Variants in SGCB observed in about 807,000 individuals in gnomAD.
The protein encoded by SGCB is sarcoglycan beta, also known as beta-sarcoglycan.
A neutral mutation model predicts 27.3 loss-of-function variants in SGCB; 25 were observed. That is an observed-to-expected ratio of 0.92 (90% CI 0.67 to 1.28). SGCB has a LOEUF of 1.28. Ranked by LOEUF, SGCB falls within the 50% of genes most tolerant of loss-of-function variation. The probability of loss-of-function intolerance (pLI) is 0.00; values close to 1 mark genes in which losing one functional copy is unlikely to be tolerated. For missense variants in SGCB, 436 were observed against 402.1 expected (o/e 1.08, Z -0.72); for synonymous variants, 147 against 133.5 (o/e 1.10, Z -0.70).
In SGCB at chr4:52,033,544, A is replaced by G. The variant is rs1737305893; in HGVS notation, c.130T>C (p.Tyr44His). 8 of 1,613,604 alleles carry G rather than the reference A, an allele frequency of 5.0e-6. No homozygotes were observed. Among genetic ancestry groups the G allele is most frequent in the African/African-American group, 1.3e-5 (1 of 74,892 alleles). Residue 44 changes from tyrosine (Y) to histidine (H), a missense_variant, in exon 2 of 6, where the codon TAC becomes CAC. Coordinates refer to ENST00000381431, the MANE Select transcript of SGCB (RefSeq NM_000232.5). Reference sequence around the variant, plus strand: ...AGACGATCTTCATCAATCGGAATGTATCCAGCTTTAAAGTTACTGTTGTGC... The same window carrying G: ...AGACGATCTTCATCAATCGGAATGTGTCCAGCTTTAAAGTTACTGTTGTGC... ...KEHNSNFKAG[Y>H]IPIDEDRLHK...
rs182562032 is a variant in SGCB, at chr4:52,027,419, A to G, written c.753+549T>C. 2.0e-4 allele frequency among the ~76,000 whole-genome samples: 30 copies of G among 151,992 alleles called. No individual in the cohort carries two copies. The East Asian group carries it at 5.6e-3, about 28-fold the overall frequency. Reference sequence around the variant, plus strand: ...TTACAATTAATAATAGATTAAAAATACATTTTTAATAAAAATATCTAAATA... The same window carrying G: ...TTACAATTAATAATAGATTAAAAATGCATTTTTAATAAAAATATCTAAATA... On this transcript the variant is annotated intron_variant, in intron 5 of 5. Transcript: ENST00000381431.
In SGCB at chr4:52,021,723, C is replaced by T. The variant is rs977654888; in HGVS notation, c.*2234G>A. 6.6e-6 allele frequency: 1 copy of T among 152,044 alleles called. No homozygotes were observed. The highest frequency in any genetic ancestry group is 1.5e-5 in the Non-Finnish European group (1 of 68,004). The allele number at this position is 152,044 out of a possible 1,614,324, so 9.4% of individuals were successfully genotyped here. The stretch of plus-strand genomic sequence containing the variant: ...CCATAAGTAAAATGGAGAGTTTGCC[C>T]TGTTCTGCTTTCTAATAGATTTTCC... On this transcript the variant is annotated 3_prime_UTR_variant, in exon 6 of 6. Transcript: ENST00000381431.
At chr4:52,034,319 G>A (rs1046079523) in intron 1 of SGCB, among the ~76,000 whole-genome samples, 1 of 45,982 alleles carries the variant, frequency 2.2e-5, no homozygotes, top group African/African-American at 5.9e-5. Context: ...GCGACAGAGC[G>A]AGACTCCGTC....
At chr4:52,030,876 C>T (rs1348649314) in intron 2 of SGCB, among the ~76,000 whole-genome samples, 3 of 152,106 alleles carry the variant, frequency 2.0e-5, no homozygotes, top group Admixed American at 6.6e-5. Flanking sequence ...GGCAAAAATA[C>T]GTCTTTATAA....
rs746101699 is a variant in SGCB at position 52,029,728 on chromosome 4, C to G, written c.379G>C (p.Val127Leu). Residue 127 changes from valine (V) to leucine (L), a missense_variant, in exon 3 of 6, where the codon GTA becomes CTA. Physicochemically the swap from Val to Leu is conservative, Grantham distance 32 (BLOSUM62 1). Transcript: ENST00000381431. ...AAATTTTCATTTCGCCTTCCTCCTA[C>G]TGTGCTTTTATAAAGAGGGTGGATC... ...GVIHPLYKST[V>L]GGRRNENLVI... 3.1e-6 allele frequency: 5 copies of G among 1,613,880 alleles called. No individual in the cohort carries two copies. The highest frequency in any genetic ancestry group is 4.2e-6 in the Non-Finnish European group (5 of 1,179,860).
intron 5 of SGCB, among the ~76,000 whole-genome samples, chr4:52,027,632 C>CA (rs71660472): frequency 0.18 from 18,294 of 101,962 alleles, 1,261 homozygotes; most frequent in Middle Eastern, 0.31. Context: ...GATCATTATA[C>CA]AAAAAAAAAA....
intron 1 of SGCB, 141 bp downstream of exon 1, chr4:52,038,086 C>CG: frequency 4.9e-6 from 1 of 204,710 alleles, no homozygotes; most frequent in Non-Finnish European, 8.7e-6. Flanking sequence ...TCCCGCCCCG[C>CG]CCCGCCCCGA....
rs995195878 is a variant in SGCB, at chr4:52,034,674, C to T, written c.34-1034G>A. 4.6e-5 allele frequency among the ~76,000 whole-genome samples: 7 copies of T among 151,926 alleles called. No homozygotes were observed. In the East Asian group the frequency reaches 9.7e-4, roughly 21 times the overall value. On this transcript the variant is annotated intron_variant, in intron 1 of 5. Transcript: ENST00000381431. ...ATTTTCATTTATATGAAAATAAGAC[C>T]GGAAAGGCTGACATAGTTTGTTACT...
intron 2 of SGCB, among the ~76,000 whole-genome samples, chr4:52,032,846 A>G (rs1737287557): frequency 6.6e-6 from 1 of 152,210 alleles, no homozygotes; most frequent in South Asian, 2.1e-4. Flanking sequence ...CTTCAGATTA[A>G]AAGGATTTCT....
At chr4:52,025,511 A>C (rs1336443434) in intron 5 of SGCB, among the ~76,000 whole-genome samples, 1 of 152,222 alleles carries the variant, frequency 6.6e-6, no homozygotes, top group African/African-American at 2.4e-5. Context: ...CCAGTGTGGA[A>C]GAAGCACGGA....
At chr4:52,027,912 G>C in intron 5 of SGCB, 56 bp downstream of exon 5, 1 of 1,489,404 alleles carries the variant, frequency 6.7e-7, no homozygotes, top group Non-Finnish European at 9.4e-7. Flanking sequence ...TTCCACATAT[G>C]GATTTATGTA....
chr4:52,021,893 T>C lies in SGCB; in HGVS notation c.*2064A>G, dbSNP rs1736960984. On this transcript the variant is annotated 3_prime_UTR_variant, in exon 6 of 6. Coordinates refer to ENST00000381431, the MANE Select transcript of SGCB (RefSeq NM_000232.5). ...GGAGATGTATCAAAAACACAAGTAT[T>C]TCCCAAAAAAGAGTAAAAATAGATT... 1 of 152,106 alleles carries C rather than the reference T, an allele frequency of 6.6e-6. No homozygotes were observed. Among genetic ancestry groups the C allele is most frequent in the Admixed American group, 6.5e-5 (1 of 15,268 alleles). 9.4% of individuals were successfully genotyped at this position (152,106 alleles called of 1,614,324 possible). A position where few individuals can be genotyped will look rare whatever the true frequency, so the allele number is the denominator to read the frequency against.
chr4:52,027,104 G>T (rs941016929), intron 5 of SGCB, among the ~76,000 whole-genome samples: 3 of 152,196 alleles, frequency 2.0e-5, no homozygotes, highest in Non-Finnish European at 4.4e-5. Flanking sequence ...CAGGAACTAT[G>T]AAATTGAAAT....
chr4:52,035,131 G>A (rs554116769), intron 1 of SGCB, among the ~76,000 whole-genome samples: 14 of 152,206 alleles, frequency 9.2e-5, no homozygotes, highest in African/African-American at 2.9e-4. Context: ...AAAGAAATGG[G>A]CAGAAATGGA....
At chr4:52,037,291 G>C (rs1352508946) in intron 1 of SGCB, among the ~76,000 whole-genome samples, 1 of 152,158 alleles carries the variant, frequency 6.6e-6, no homozygotes, top group Non-Finnish European at 1.5e-5. Flanking sequence ...CTTGAAGAGA[G>C]ATTTTACGTC....
In SGCB at chr4:52,021,091, G is replaced by A. The variant is rs1736937618; in HGVS notation, c.*2866C>T. 1 of 152,012 alleles carries A rather than the reference G, an allele frequency of 6.6e-6. No homozygotes were observed. Among genetic ancestry groups the A allele is most frequent in the South Asian group, 2.1e-4 (1 of 4,826 alleles). 9.4% of individuals were successfully genotyped at this position (152,012 alleles called of 1,614,324 possible). A position where few individuals can be genotyped will look rare whatever the true frequency, so the allele number is the denominator to read the frequency against. ...GTTTTGTGTGGTTTTACATTTTTCT[G>A]TCTGCCCATTATTAAGAAATCTTGC... is the stretch of plus-strand genomic sequence containing the variant. On this transcript the variant is annotated 3_prime_UTR_variant, in exon 6 of 6. Coordinates refer to ENST00000381431, the MANE Select transcript of SGCB (RefSeq NM_000232.5).
Position 52,027,929 on chromosome 4 carries a change from A to G in SGCB, c.753+39T>C, listed in dbSNP as rs527719450. The G allele has an allele frequency of 8.9e-6, 14 of 1,578,092 alleles. No individual in the cohort carries two copies. In the South Asian group the frequency reaches 1.4e-4, roughly 16 times the overall value. On this transcript the variant is annotated intron_variant, in intron 5 of 5. Transcript: ENST00000381431. ...CCACATATGGATTTATGTACCCAAG[A>G]ACCTAATAATTCTCTTAAGCTCTTA...
Position 52,038,243 on chromosome 4 carries a change from G to GCCGCCGCTGCCGCCATCTTCCCGCGC in SGCB, c.-10_16dup (p.Ala6GlyfsTer22). ...CTCACAGACCTGTTCTGCAGCCGCC[G>GCCGCCGCTGCCGCCATCTTCCCGCGC]CCGCCGCTGCCGCCATCTTCCCGCG... On this transcript the variant is annotated frameshift_variant, in exon 1 of 6. Coordinates refer to ENST00000381431, the MANE Select transcript of SGCB (RefSeq NM_000232.5). LOFTEE classifies it high-confidence loss of function. The GCCGCCGCTGCCGCCATCTTCCCGCGC allele has an allele frequency of 7.8e-7, 1 of 1,289,796 alleles. No homozygotes were observed. 79.9% of individuals were successfully genotyped at this position (1,289,796 alleles called of 1,614,324 possible).
At position 52,023,157 on chromosome 4, in the gene SGCB, T is replaced by G. The variant is rs770412144; in HGVS notation, c.*800A>C. ...TATGATGTTGAGCAAGTTTCTTAACTTCTCTGATCTTCAGTTTCTTAATGG... is the reference window on the plus strand; with the variant it reads ...TATGATGTTGAGCAAGTTTCTTAACGTCTCTGATCTTCAGTTTCTTAATGG... On this transcript the variant is annotated 3_prime_UTR_variant, in exon 6 of 6. Transcript: ENST00000381431. The G allele has an allele frequency of 4.6e-5, 7 of 152,224 alleles. No individual in the cohort carries two copies. The highest frequency in any genetic ancestry group is 1.0e-4 in the Non-Finnish European group (7 of 68,044). The allele number at this position is 152,224 out of a possible 1,614,324, so 9.4% of individuals were successfully genotyped here.
Sources: gnomAD v4.1 joint callset for allele counts (sites outside exome capture counted in the v4.1 genomes callset) on GRCh38, gnomAD v4.1.1 for gene constraint, MANE v1.5 for transcripts, NCBI Gene and HGNC (gene_info 2026-07-23, HGNC 2026-07-21) for gene names.